The following SIN3A variants were observed in gnomAD, a reference collection of about 807,000 sequenced individuals.
The protein encoded by SIN3A is paired amphipathic helix protein Sin3a.
A neutral mutation model predicts 146.1 loss-of-function variants in SIN3A; 14 were observed. The ratio of observed to expected loss-of-function variants is 0.10; its 90% CI spans 0.06 to 0.15. The LOEUF (loss-of-function observed/expected upper bound fraction) is 0.15, where lower values mean the gene tolerates loss of function less well. Ranked by LOEUF, SIN3A falls within the 10% of genes least tolerant of loss-of-function variation. SIN3A has a pLI of 1.00. For synonymous variants in SIN3A, 572 were observed against 572.0 expected, an observed-to-expected ratio of 1.00 and a Z score of 0.00; for missense variants, 1,028 against 1,576.0, an observed-to-expected ratio of 0.65 and a Z score of 5.89.
chr15:75,432,362 G>T (rs4886702), intron 1 of SIN3A, among the ~76,000 whole-genome samples: 91,422 of 151,898 alleles, frequency 0.6, 28,780 homozygotes, highest in African/African-American at 0.8. Flanking sequence ...TTAACTCATC[G>T]GAGATTAACC....
At chr15:75,422,240 A>T (rs1297326186) in intron 3 of SIN3A, 8 of 285,548 alleles carry the variant, frequency 2.8e-5, no homozygotes, top group Non-Finnish European at 4.5e-5. Context: ...AAAAAAAAAA[A>T]TTTTTAAGAA....
chr15:75,373,085 T>C (rs770947279), intron 20 of SIN3A, among the ~76,000 whole-genome samples: 3 of 152,104 alleles, frequency 2.0e-5, no homozygotes, highest in Non-Finnish European at 4.4e-5. Context: ...GGGGGTTCTG[T>C]TCCCACCAAC....
chr15:75,451,870 C>T (rs565808639), upstream of SIN3A: 2 of 152,074 alleles, frequency 1.3e-5, no homozygotes, highest in African/African-American at 2.4e-5. Flanking sequence ...TCTCCTTCTC[C>T]ACGCCCCTAT....
intron 5 of SIN3A, 24 bp downstream of exon 5, chr15:75,412,739 A>C: frequency 6.5e-7 from 1 of 1,543,030 alleles, no homozygotes; most frequent in Non-Finnish European, 8.7e-7. Flanking sequence ...ATTCATATTG[A>C]TGCAATATTT....
Position 75,375,567 on chromosome 15 carries a change from T to A in SIN3A, c.3591+98A>T, listed in dbSNP as rs77230587. On this transcript the variant is annotated intron_variant, in intron 20 of 20. Transcript: ENST00000394947. ...TTAAGTCTCAGCTCCAAGAACAGGT[T>A]TGCATAAACAAAGAAAAACAATCAG... The A allele has an allele frequency of 1.3e-5, 12 of 921,914 alleles. No homozygotes were observed. In the Admixed American group the frequency reaches 2.2e-4, roughly 17 times the overall value. 57.1% of individuals were successfully genotyped at this position (921,914 alleles called of 1,614,324 possible).
chr15:75,410,041 TATC>T, intron 7 of SIN3A, 50 bp from the exon 8 acceptor site: 3 of 1,608,152 alleles, frequency 1.9e-6, no homozygotes, highest in East Asian at 2.2e-5. Flanking sequence ...AGCAAACAAA[TATC>T]ATCTAGGAAA....
chr15:75,433,764 A>G (rs557056482), intron 1 of SIN3A, among the ~76,000 whole-genome samples: 14 of 152,110 alleles, frequency 9.2e-5, no homozygotes, highest in East Asian at 3.9e-4. Context: ...AGCCGAGATC[A>G]TGCCACTGCA....
At chr15:75,376,639 T>C (rs1337791069) in intron 19 of SIN3A, among the ~76,000 whole-genome samples, 4 of 151,946 alleles carry the variant, frequency 2.6e-5, no homozygotes, top group Non-Finnish European at 4.4e-5. Flanking sequence ...GGTGGATTGC[T>C]TGAGCTCAGG....
At chr15:75,373,038 C>A (rs2072782977) in intron 20 of SIN3A, among the ~76,000 whole-genome samples, 1 of 152,140 alleles carries the variant, frequency 6.6e-6, no homozygotes, top group Admixed American at 6.5e-5. Context: ...TTACCCCACC[C>A]TGGGAAGCAG....
rs2073301089 is a variant in SIN3A, at chr15:75,396,241, C to T, written c.2093+17G>A. ...GTGAAGTACACTAAAGCACTAAGGG[C>T]ACATTTGCTCATGTACCTTTTAAGG... On this transcript the variant is annotated intron_variant, in intron 13 of 20. Coordinates refer to ENST00000394947, the MANE Select transcript of SIN3A (RefSeq NM_001145358.2). The T allele has an allele frequency of 1.9e-6, 3 of 1,549,722 alleles. No homozygotes were observed. Among genetic ancestry groups the T allele is most frequent in the South Asian group, 1.1e-5 (1 of 89,266 alleles).
Position 75,396,375 on chromosome 15 carries a change from C to T in SIN3A, c.1976G>A (p.Gly659Asp). The T allele has an allele frequency of 6.2e-7, 1 of 1,614,118 alleles. No individual in the cohort carries two copies. Among genetic ancestry groups the T allele is most frequent in the Non-Finnish European group, 8.5e-7 (1 of 1,179,988 alleles). Residue 659 changes from glycine (G) to aspartate (D), a missense_variant, in exon 13 of 21, where the codon GGC becomes GAC. Coordinates refer to ENST00000394947, the MANE Select transcript of SIN3A (RefSeq NM_001145358.2). ...AKFRLDNTLG[G>D]TSEVIHRKAL... ...TTTTCTATGGATGACTTCTGATGTG[C>T]CCCCAAGGGTGTTGTCCAAGCGAAA... is the stretch of plus-strand genomic sequence containing the variant.
intron 1 of SIN3A, among the ~76,000 whole-genome samples, chr15:75,448,360 T>C (rs999336641): frequency 7.3e-5 from 11 of 151,592 alleles, no homozygotes; most frequent in Non-Finnish European, 5.9e-5. Flanking sequence ...TAGCCAGGCG[T>C]GTGGTGGCGC....
At chr15:75,453,309 G>T (rs960182075), upstream of SIN3A, 1 of 152,330 alleles carries the variant, frequency 6.6e-6, no homozygotes, top group Non-Finnish European at 1.5e-5. Context: ...GAGCAGCCTC[G>T]CCAGTAGCCA....
chr15:75,387,327 C>T (rs1252380727), intron 16 of SIN3A, among the ~76,000 whole-genome samples: 1 of 151,906 alleles, frequency 6.6e-6, no homozygotes, highest in African/African-American at 2.4e-5. Context: ...AAGTTTGAGG[C>T]CAGCCTGGAC....
intron 10 of SIN3A, among the ~76,000 whole-genome samples, chr15:75,401,426 T>TG (rs1292842918): frequency 2.0e-5 from 3 of 151,752 alleles, no homozygotes; most frequent in South Asian, 2.1e-4. Flanking sequence ...CCCAGCTACT[T>TG]GGGGGGCCGA....
At position 75,400,748 on chromosome 15, in the gene SIN3A, C is replaced by A; in HGVS notation, c.1719G>T (p.Arg573=). 1 of 1,613,752 alleles carries A rather than the reference C, an allele frequency of 6.2e-7. No homozygotes were observed. The highest frequency in any genetic ancestry group is 1.1e-5 in the South Asian group (1 of 90,988). ...KSYQQPKCTG[R]TPLCKEVLND... is the part of the protein sequence containing the mutation. ...GCCTTACCTCTTTACAGAGAGGAGT[C>A]CGTCCTGTACACTTGGGCTGCTGGT... The change falls in exon 11 of 21, where the codon CGG becomes CGT. Residue 573 remains arginine (R), a synonymous_variant. Transcript: ENST00000394947.
chr15:75,389,746 G>A lies in SIN3A; in HGVS notation c.2927C>T (p.Ser976Leu), dbSNP rs1228616737. ...TCTCAGTGAATCTTCATACTGTGAT[G>A]AGTCTATGTTGCCATCCAGCAGGCT... ...VRSLLDGNID[S>L]SQYEDSLREM... The change falls in exon 16 of 21, where the codon TCA becomes TTA. Residue 976 changes from serine to leucine, a missense_variant. Coordinates refer to ENST00000394947, the MANE Select transcript of SIN3A (RefSeq NM_001145358.2). 5.0e-6 allele frequency: 8 copies of A among 1,613,984 alleles called. No individual in the cohort carries two copies. In the Admixed American group the frequency reaches 1.3e-4, roughly 27 times the overall value.
At chr15:75,436,860 TG>T (rs1285928433) in intron 1 of SIN3A, among the ~76,000 whole-genome samples, 1 of 152,108 alleles carries the variant, frequency 6.6e-6, no homozygotes, top group Non-Finnish European at 1.5e-5. Context: ...CAGGTACACT[TG>T]GGAAGACTCT....
At chr15:75,393,184 G>A (rs985107574) in intron 14 of SIN3A, among the ~76,000 whole-genome samples, 6 of 152,258 alleles carry the variant, frequency 3.9e-5, no homozygotes, top group Admixed American at 6.5e-5. Context: ...AGCCGAGATC[G>A]TACTACTGCA....
Sources: gnomAD v4.1 joint callset for allele counts (sites outside exome capture counted in the v4.1 genomes callset) on GRCh38, gnomAD v4.1.1 for gene constraint, MANE v1.5 for transcripts, NCBI Gene and HGNC (gene_info 2026-07-23, HGNC 2026-07-21) for gene names.